Variants in PCLO observed in about 807,000 individuals in gnomAD.
The protein encoded by PCLO is protein piccolo.
PCLO carries 82 observed loss-of-function variants against 427.5 expected under a neutral mutation model. The observed-to-expected ratio is 0.19, with a 90% CI of 0.16 to 0.23. The LOEUF is 0.23. Among genes scored for constraint, PCLO ranks in the 10% least tolerant of loss-of-function variants. The pLI is 1.00. For synonymous variants in PCLO, 2,357 were observed against 2,155.4 expected, an observed-to-expected ratio of 1.09 and a Z score of -2.59; for missense variants, 6,239 against 6,115.9, an observed-to-expected ratio of 1.02 and a Z score of -0.67.
In PCLO at chr7:83,130,428, C is replaced by T. The variant is rs183402312; in HGVS notation, c.3300+3822G>A. ...CTGACCTCAAGTGATCTGCCCACTT[C>T]GGCCTCCCAGAGTGCTGGCATTACA... On this transcript the variant is annotated intron_variant, in intron 3 of 24. Coordinates refer to ENST00000333891, the MANE Select transcript of PCLO (RefSeq NM_033026.6). 3.5e-4 allele frequency among the ~76,000 whole-genome samples: 53 copies of T among 152,258 alleles called. No individual in the cohort carries two copies. The East Asian group carries it at 8.1e-3, about 23-fold the overall frequency.
chr7:82,892,760 G>A (rs1263874499), intron 9 of PCLO, among the ~76,000 whole-genome samples: 1 of 151,928 alleles, frequency 6.6e-6, no homozygotes, highest in Non-Finnish European at 1.5e-5. Flanking sequence ...ACAAGTGGGG[G>A]AAGGATATGA....
chr7:82,821,186 G>T, intron 20 of PCLO: 1 of 995,258 alleles, frequency 1.0e-6, no homozygotes, highest in Non-Finnish European at 1.2e-6. Context: ...GTTGCCATTG[G>T]CTGGTGGAGG....
chr7:83,058,559 T>TAC (rs2116303522), intron 3 of PCLO, among the ~76,000 whole-genome samples: 1 of 152,316 alleles, frequency 6.6e-6, no homozygotes, highest in East Asian at 1.9e-4. Flanking sequence ...AATATATATA[T>TAC]ACCTCAATAA....
chr7:82,915,262 T>C lies in PCLO; in HGVS notation c.12724A>G (p.Thr4242Ala), dbSNP rs1562854709. 2 of 1,613,378 alleles carry C rather than the reference T, an allele frequency of 1.2e-6. No individual in the cohort carries two copies. The highest frequency in any genetic ancestry group is 1.1e-5 in the South Asian group (1 of 91,060). The change falls in exon 7 of 25, where the codon ACT becomes GCT. Residue 4242 changes from threonine to alanine, a missense_variant. Physicochemically the swap from Thr to Ala is moderately conservative, Grantham distance 58. This residue lies in a region of PCLO where 680 missense variants were observed against 677.3 expected (regional missense o/e 1.00). Transcript: ENST00000333891. ...GTAATATTTTTTCTGAGGCCAAAAG[T>C]GATGTCATCTTGAAGGAGCCTTGCC... Reference protein sequence around the residue: ...SRARLLQDDITFGLRKNITDQ... With the variant: ...SRARLLQDDIAFGLRKNITDQ...
intron 3 of PCLO, among the ~76,000 whole-genome samples, chr7:83,082,731 T>C (rs1295064386): frequency 6.6e-6 from 1 of 151,700 alleles, no homozygotes; most frequent in Non-Finnish European, 1.5e-5. Context: ...CATTATAAGC[T>C]TGTATCAAAA....
In PCLO at chr7:82,953,569, G is replaced by T. The variant is rs750482931; in HGVS notation, c.7384C>A (p.Leu2462Ile). ...CTTCTCAGAACAGCTGTGGTCTCTAGAGTAGTAACAGCATCAAACAGAGGT... is the reference window on the plus strand; with the variant it reads ...CTTCTCAGAACAGCTGTGGTCTCTATAGTAGTAACAGCATCAAACAGAGGT... ...ATPLFDAVTT[L>I]ETTAVLRSNG... Residue 2462 changes from leucine to isoleucine, a missense_variant, in exon 5 of 25, where the codon CTA becomes ATA. This residue lies in a region of PCLO where 4,677 missense variants were observed against 4,468.4 expected (regional missense o/e 1.05). Coordinates refer to ENST00000333891, the MANE Select transcript of PCLO (RefSeq NM_033026.6). 1.2e-6 allele frequency: 2 copies of T among 1,612,738 alleles called. No homozygotes were observed. The highest frequency in any genetic ancestry group is 1.3e-5 in the African/African-American group (1 of 74,824).
rs1235287697 is a variant in PCLO, at chr7:83,038,017, A to T, written c.3301-71530T>A. On this transcript the variant is annotated intron_variant, in intron 3 of 24. Transcript: ENST00000333891. The stretch of plus-strand genomic sequence containing the variant: ...TATATATATATATATATATATATAT[A>T]TATATATATATATTTATATATTTAT... 3.6e-3 allele frequency among the ~76,000 whole-genome samples: 162 copies of T among 44,872 alleles called. 26 individuals are homozygous for T. Among genetic ancestry groups the T allele is most frequent in the African/African-American group, 0.022 (155 of 6,928 alleles). 29.4% of individuals were successfully genotyped at this position (44,872 alleles called of 152,430 possible).
intron 6 of PCLO, among the ~76,000 whole-genome samples, chr7:82,922,825 T>C (rs187219617): frequency 3.9e-5 from 6 of 152,208 alleles, no homozygotes; most frequent in Admixed American, 2.6e-4. Context: ...TAAACCATTC[T>C]GAAACCATCA....
intron 9 of PCLO, among the ~76,000 whole-genome samples, chr7:82,893,422 G>T (rs559512791): frequency 1.3e-5 from 2 of 152,110 alleles, no homozygotes; most frequent in East Asian, 3.9e-4. Context: ...GGGCCCTGTT[G>T]TGGGGTCAGG....
chr7:82,828,169 C>A (rs1791996057), intron 16 of PCLO, among the ~76,000 whole-genome samples: 1 of 125,464 alleles, frequency 8.0e-6, no homozygotes, highest in African/African-American at 3.3e-5. Context: ...TTGTAGTTTT[C>A]TTTGCCCTTA....
At chr7:83,115,564 T>A (rs1323748349) in intron 3 of PCLO, among the ~76,000 whole-genome samples, 1 of 152,062 alleles carries the variant, frequency 6.6e-6, no homozygotes, top group Admixed American at 6.6e-5. Flanking sequence ...TTCTGTAGCT[T>A]TCCAAATTGA....
chr7:83,145,687 G>A (rs545563575), intron 2 of PCLO, among the ~76,000 whole-genome samples: 3 of 152,168 alleles, frequency 2.0e-5, no homozygotes, highest in African/African-American at 7.2e-5. Flanking sequence ...AATTAGTAGT[G>A]GTAATAGTAA....
intron 2 of PCLO, among the ~76,000 whole-genome samples, chr7:83,151,293 G>A (rs1562992881): frequency 6.6e-6 from 1 of 152,162 alleles, no homozygotes; most frequent in Non-Finnish European, 1.5e-5. Context: ...AAGAATTTAT[G>A]ATACTGTTAT....
chr7:83,113,434 T>A (rs1791055853), intron 3 of PCLO, among the ~76,000 whole-genome samples: 1 of 152,202 alleles, frequency 6.6e-6, no homozygotes, highest in African/African-American at 2.4e-5. Flanking sequence ...TAATGAGAAT[T>A]TATTTGGAGA....
At chr7:82,931,129 T>C (rs910464356) in intron 6 of PCLO, among the ~76,000 whole-genome samples, 8 of 152,154 alleles carry the variant, frequency 5.3e-5, no homozygotes, top group Non-Finnish European at 1.2e-4. Context: ...CTCATTATTT[T>C]ACTTATATTA....
chr7:82,905,588 T>TG, intron 8 of PCLO, among the ~76,000 whole-genome samples: 1 of 151,950 alleles, frequency 6.6e-6, no homozygotes, highest in East Asian at 1.9e-4. Flanking sequence ...CCCAGATTTC[T>TG]GGGGAAGTGG....
intron 20 of PCLO, among the ~76,000 whole-genome samples, chr7:82,813,282 T>C (rs1791611366): frequency 6.6e-6 from 1 of 151,720 alleles, no homozygotes; most frequent in Non-Finnish European, 1.5e-5. Context: ...TCCAAACAGA[T>C]TATATTAATG....
chr7:82,820,395 T>C (rs1431105507), intron 20 of PCLO: 4 of 485,460 alleles, frequency 8.2e-6, no homozygotes, highest in Non-Finnish European at 1.1e-5. Context: ...TTAAAATCTA[T>C]TGCAACGAAA....
intron 3 of PCLO, among the ~76,000 whole-genome samples, chr7:82,974,665 C>A (rs1013785376): frequency 2.0e-5 from 3 of 152,056 alleles, no homozygotes; most frequent in African/African-American, 4.8e-5. Flanking sequence ...TAAAAATAAT[C>A]AATAGTTTTA....
Sources: allele counts gnomAD v4.1 joint callset (sites outside exome capture counted in the v4.1 genomes callset), GRCh38; gene constraint gnomAD v4.1.1; regional missense constraint gnomAD v4.1.1; transcripts MANE v1.5; gene names NCBI Gene and HGNC (gene_info 2026-07-23, HGNC 2026-07-21).